KCNK2: variants seen among roughly 807,000 people sequenced by gnomAD.
The protein encoded by KCNK2 is potassium channel subfamily K member 2.
Under a neutral mutation model 40.5 loss-of-function variants are expected in KCNK2, and 21 were observed. That is an observed-to-expected ratio of 0.52 (90% confidence interval 0.37 to 0.75). The LOEUF (loss-of-function observed/expected upper bound fraction) is 0.75. KCNK2 is among the 30% of genes least tolerant of loss of function. The pLI is 0.00. For synonymous variants in KCNK2, 191 were observed against 202.2 expected (o/e 0.94, Z 0.47); for missense variants, 399 against 531.6 (o/e 0.75, Z 2.45).
intron 2 of KCNK2, among the ~76,000 whole-genome samples, chr1:215,121,310 C>T (rs1025329987): frequency 1.3e-5 from 2 of 152,092 alleles, no homozygotes; most frequent in Non-Finnish European, 2.9e-5. Flanking sequence ...TTTTTTGAGA[C>T]AGGGTTTTGC....
rs1446309247 is a variant in KCNK2, at chr1:215,083,424, A to C, written c.39A>C (p.Arg13Ser). Residue 13 changes from arginine to serine, a missense_variant, in exon 1 of 7, where the codon AGA becomes AGC. By Grantham distance (110) the Arg-to-Ser change is moderately radical (BLOSUM62 -1). Around this residue, in one of 3 missense-constraint regions of KCNK2, gnomAD observed 279 missense variants for 353.8 expected, o/e 0.79. Transcript: ENST00000444842. ...CCTCGCGGGAGAGACCCGGCTATAG[A>C]GCAGGAGGTGAGACCCCCCCTCCGG... Reference protein sequence around the residue: ...PSASRERPGYRAGVAAPDLLD... With the variant: ...PSASRERPGYSAGVAAPDLLD... 6.2e-7 allele frequency: 1 copy of C among 1,613,000 alleles called. No homozygotes were observed. Among genetic ancestry groups the C allele is most frequent in the East Asian group, 2.2e-5 (1 of 44,802 alleles).
intron 1 of KCNK2, among the ~76,000 whole-genome samples, chr1:215,041,809 C>A (rs1657574175): frequency 6.6e-6 from 1 of 152,050 alleles, no homozygotes; most frequent in African/African-American, 2.4e-5. Flanking sequence ...TTGTCATAGA[C>A]CATCAGGTTG....
At chr1:215,131,717 C>T (rs1277684106) in intron 3 of KCNK2, among the ~76,000 whole-genome samples, 1 of 151,754 alleles carries the variant, frequency 6.6e-6, no homozygotes, top group Non-Finnish European at 1.5e-5. Context: ...TTTAAGATAC[C>T]AAAGCATTTC....
At chr1:215,042,031 G>A (rs1229967977) in intron 1 of KCNK2, among the ~76,000 whole-genome samples, 1 of 152,102 alleles carries the variant, frequency 6.6e-6, no homozygotes, top group East Asian at 1.9e-4. Context: ...AAAACTATCA[G>A]ATCTCATGAG....
chr1:215,023,604 G>A (rs1283430025), intron 1 of KCNK2, among the ~76,000 whole-genome samples: 1 of 152,200 alleles, frequency 6.6e-6, no homozygotes, highest in African/African-American at 2.4e-5. Context: ...ATTTGGCTTC[G>A]ACGACTTTTC....
intron 2 of KCNK2, among the ~76,000 whole-genome samples, chr1:215,110,652 C>T (rs1490758851): frequency 6.6e-6 from 1 of 151,920 alleles, no homozygotes; most frequent in Non-Finnish European, 1.5e-5. Context: ...TTTCTAATCC[C>T]AAACATTTTT....
chr1:215,229,207 C>CTTTTTTTTT (rs201225142), intron 6 of KCNK2, among the ~76,000 whole-genome samples: 1 of 129,920 alleles, frequency 7.7e-6, no homozygotes. Flanking sequence ...GATTGTTTTT[C>CTTTTTTTTT]TTTTTTTTTT....
At chr1:215,053,590 C>A (rs1263413685) in intron 1 of KCNK2, among the ~76,000 whole-genome samples, 1 of 152,196 alleles carries the variant, frequency 6.6e-6, no homozygotes, top group Non-Finnish European at 1.5e-5. Flanking sequence ...GAACTCAAAT[C>A]ACAATTGCAA....
intron 6 of KCNK2, among the ~76,000 whole-genome samples, chr1:215,212,360 T>A (rs1665777880): frequency 6.6e-6 from 1 of 152,166 alleles, no homozygotes; most frequent in Non-Finnish European, 1.5e-5. Flanking sequence ...TCAAGGTTTT[T>A]AAATATTTTT....
intron 1 of KCNK2, among the ~76,000 whole-genome samples, chr1:215,023,142 C>G (rs760826837): frequency 6.6e-6 from 1 of 152,188 alleles, no homozygotes; most frequent in Non-Finnish European, 1.5e-5. Context: ...TGTAAAACAA[C>G]TGTATAAATC....
intron 3 of KCNK2, among the ~76,000 whole-genome samples, chr1:215,134,110 G>GAAGA (rs1661793977): frequency 6.6e-6 from 1 of 150,432 alleles, no homozygotes; most frequent in East Asian, 2.0e-4. Flanking sequence ...GGGTGTAAAA[G>GAAGA]AAAAAAAAAA....
intron 2 of KCNK2, among the ~76,000 whole-genome samples, chr1:215,093,872 T>TATATATTATATATTATATATAAAA (rs1558088150): frequency 7.3e-5 from 7 of 96,186 alleles, no homozygotes; most frequent in South Asian, 2.6e-4. Flanking sequence ...AAAAATATAT[T>TATATATTATATATTATATATAAAA]ATATATTATA....
At chr1:215,193,447 TA>T (rs764694146) in intron 5 of KCNK2, among the ~76,000 whole-genome samples, 28 of 130,998 alleles carry the variant, frequency 2.1e-4, no homozygotes, top group African/African-American at 5.2e-4. Context: ...TTTTTTTTTT[TA>T]AAGTCACTCT....
At chr1:215,186,554 A>C (rs530294464) in intron 5 of KCNK2, among the ~76,000 whole-genome samples, 4 of 152,354 alleles carry the variant, frequency 2.6e-5, no homozygotes, top group African/African-American at 9.6e-5. Flanking sequence ...TATCACTGTG[A>C]GTGATGAATC....
chr1:215,036,745 T>C (rs893723549), intron 1 of KCNK2, among the ~76,000 whole-genome samples: 2 of 151,936 alleles, frequency 1.3e-5, no homozygotes, highest in African/African-American at 4.8e-5. Context: ...ACAAACATTT[T>C]ATTAAATTTT....
intron 2 of KCNK2, among the ~76,000 whole-genome samples, chr1:215,122,838 G>C (rs1212122846): frequency 1.4e-5 from 2 of 144,194 alleles, no homozygotes; most frequent in African/African-American, 5.2e-5. Flanking sequence ...CTCCGTCTCC[G>C]GGTTCACACC....
At chr1:215,101,642 A>C (rs1018036200) in intron 2 of KCNK2, among the ~76,000 whole-genome samples, 1 of 152,044 alleles carries the variant, frequency 6.6e-6, no homozygotes, top group Non-Finnish European at 1.5e-5. Flanking sequence ...CAATTGCATC[A>C]TAATTGTGCT....
At chr1:215,202,321 A>G (rs914614712) in intron 6 of KCNK2, among the ~76,000 whole-genome samples, 4 of 152,200 alleles carry the variant, frequency 2.6e-5, no homozygotes, top group African/African-American at 7.2e-5. Flanking sequence ...CTGCTGGTCA[A>G]TGTTGGCTCT....
Position 215,028,955 on chromosome 1 carries a change from TTA to T in KCNK2, c.34+23001_34+23002del, listed in dbSNP as rs550403638. ...ATAATGTTTTTGAAATTCACTTATT[TTA>T]AAAAACAGGCTTTTTTTTTTTTAGA... On this transcript the variant is annotated intron_variant, in intron 1 of 6. Transcript: ENST00000391895. 1.4e-4 allele frequency among the ~76,000 whole-genome samples: 20 copies of T among 146,784 alleles called. No individual in the cohort carries two copies. The East Asian group carries it at 4.1e-3, about 30-fold the overall frequency.
Sources: gnomAD v4.1 joint callset for allele counts (sites outside exome capture counted in the v4.1 genomes callset) on GRCh38, gnomAD v4.1.1 for gene constraint, gnomAD v4.1.1 regional missense constraint, MANE v1.5 for transcripts, NCBI Gene and HGNC (gene_info 2026-07-23, HGNC 2026-07-21) for gene names.